S100Z: variants seen among roughly 807,000 people sequenced by gnomAD.
S100Z encodes the protein protein S100-Z.
A neutral mutation model predicts 8.5 loss-of-function variants in S100Z; 11 were observed. That is an observed-to-expected ratio of 1.30 (90% CI 0.82 to 2.15). S100Z has a LOEUF of 2.15. Ranked by LOEUF, S100Z falls within the 30% of genes most tolerant of loss-of-function variation. The pLI is 0.00. For missense variants in S100Z, 126 were observed against 117.9 expected (o/e 1.07, Z -0.32); for synonymous variants, 34 against 43.8 (o/e 0.78, Z 0.89).
the S100Z span, among the ~76,000 whole-genome samples, chr5:76,935,391 T>G: frequency 6.6e-6 from 1 of 152,138 alleles, no homozygotes; most frequent in Non-Finnish European, 1.5e-5. Context: ...AATTTGACCT[T>G]TCTCGATCTC....
the S100Z span, among the ~76,000 whole-genome samples, chr5:76,949,398 A>T: frequency 1.3e-5 from 2 of 150,260 alleles, no homozygotes; most frequent in African/African-American, 5.0e-5. Context: ...CAAAAAAAAA[A>T]TAATGAAAAA....
chr5:76,875,012 G>A (rs1260965555), intron 2 of S100Z, among the ~76,000 whole-genome samples: 3 of 152,042 alleles, frequency 2.0e-5, no homozygotes, highest in Non-Finnish European at 2.9e-5. Flanking sequence ...AGCCTCCTGA[G>A]TAGCTAGCTG....
intron 1 of S100Z, among the ~76,000 whole-genome samples, chr5:76,859,062 T>C (rs1750973108): frequency 6.6e-6 from 1 of 152,098 alleles, no homozygotes; most frequent in African/African-American, 2.4e-5. Context: ...TCCAGTAAGC[T>C]GAGATAGCAC....
intron 1 of S100Z, among the ~76,000 whole-genome samples, chr5:76,861,285 G>A (rs1166690463): frequency 6.6e-6 from 1 of 152,136 alleles, no homozygotes; most frequent in African/African-American, 2.4e-5. Context: ...TCCTTACAAT[G>A]TGGCAGCTGA....
At chr5:76,858,575 G>A (rs747615702) in intron 1 of S100Z, among the ~76,000 whole-genome samples, 11 of 151,682 alleles carry the variant, frequency 7.3e-5, no homozygotes, top group African/African-American at 1.5e-4. Flanking sequence ...TAAGTCCAGC[G>A]TGCCCATCAT....
chr5:76,925,487 T>A (rs1745124096), downstream of S100Z, among the ~76,000 whole-genome samples: 1 of 152,196 alleles, frequency 6.6e-6, no homozygotes, highest in Admixed American at 6.5e-5. Context: ...CTTATCTCTC[T>A]GTCCTCCTGA....
chr5:76,911,355 C>T (rs1744651428), intron 4 of S100Z, among the ~76,000 whole-genome samples: 1 of 152,176 alleles, frequency 6.6e-6, no homozygotes, highest in African/African-American at 2.4e-5. Flanking sequence ...CCTCTATATC[C>T]AGTTGTACCC....
chr5:76,921,698 G>A (rs754416400), downstream of S100Z: 1 of 151,964 alleles, frequency 6.6e-6, no homozygotes, highest in Non-Finnish European at 1.5e-5. Flanking sequence ...CTTTGAAAGC[G>A]AATCCTAGGC....
intron 4 of S100Z, among the ~76,000 whole-genome samples, chr5:76,884,964 C>A (rs956575470): frequency 5.3e-5 from 8 of 152,028 alleles, no homozygotes; most frequent in African/African-American, 1.9e-4. Flanking sequence ...TAGGGAGGAA[C>A]CAATGTGTAA....
At chr5:76,927,763 C>T in the S100Z span, among the ~76,000 whole-genome samples, 1 of 152,358 alleles carries the variant, frequency 6.6e-6, no homozygotes, top group Non-Finnish European at 1.5e-5. Flanking sequence ...TAGGTCCAGC[C>T]TCATTCCCAT....
intron 4 of S100Z, among the ~76,000 whole-genome samples, chr5:76,903,401 T>C (rs1744304511): frequency 6.6e-6 from 1 of 152,216 alleles, no homozygotes; most frequent in African/African-American, 2.4e-5. Context: ...TGTATATACC[T>C]TTTTATTGCT....
At chr5:76,862,144 TG>T (rs1751076830) in intron 1 of S100Z, among the ~76,000 whole-genome samples, 1 of 151,778 alleles carries the variant, frequency 6.6e-6, no homozygotes, top group Non-Finnish European at 1.5e-5. Context: ...TGTGTGTGTG[TG>T]TGTGTGTGTG....
intron 1 of S100Z, among the ~76,000 whole-genome samples, chr5:76,854,507 G>A (rs528913551): frequency 2.2e-4 from 34 of 152,312 alleles, no homozygotes; most frequent in African/African-American, 7.0e-4. Context: ...TTGAACTTGA[G>A]AGTGATGATT....
chr5:76,947,995 G>A, the S100Z span, among the ~76,000 whole-genome samples: 1 of 152,086 alleles, frequency 6.6e-6, no homozygotes, highest in Non-Finnish European at 1.5e-5. Flanking sequence ...GGCAACAAAA[G>A]CAAAAATAGG....
At chr5:76,943,571 G>T in the S100Z span, among the ~76,000 whole-genome samples, 98,721 of 152,018 alleles carry the variant, frequency 0.65, 32,277 homozygotes, top group South Asian at 0.76. Context: ...CTACCCATTC[G>T]GTGCCCAGGA....
At chr5:76,890,385 G>C (rs1026149704) in intron 4 of S100Z, among the ~76,000 whole-genome samples, 4 of 152,138 alleles carry the variant, frequency 2.6e-5, no homozygotes, top group Admixed American at 6.5e-5. Flanking sequence ...AACAAGGAAG[G>C]CTTCCCAGAG....
intron 1 of S100Z, among the ~76,000 whole-genome samples, chr5:76,867,536 C>G (rs1742806156): frequency 6.6e-6 from 1 of 152,068 alleles, no homozygotes. Flanking sequence ...CCTTTTGCTC[C>G]CACCTTTGTG....
the S100Z span, among the ~76,000 whole-genome samples, chr5:76,934,827 G>A: frequency 1.3e-5 from 2 of 149,736 alleles, no homozygotes; most frequent in Non-Finnish European, 3.0e-5. Context: ...ATTACCCAGT[G>A]TGTGGTATTT....
intron 4 of S100Z, among the ~76,000 whole-genome samples, chr5:76,912,912 G>C (rs1744718115): frequency 6.8e-6 from 1 of 147,272 alleles, no homozygotes; most frequent in Non-Finnish European, 1.5e-5. Flanking sequence ...AGAAGAGACA[G>C]AGACAAATAG....
Sources: gnomAD v4.1 joint callset for allele counts (sites outside exome capture counted in the v4.1 genomes callset) on GRCh38, gnomAD v4.1.1 for gene constraint, MANE v1.5 for transcripts, NCBI Gene and HGNC (gene_info 2026-07-23, HGNC 2026-07-21) for gene names.